Variants in B3GLCT observed in about 807,000 individuals in gnomAD.
B3GLCT encodes the protein beta 3-glucosyltransferase.
Under a neutral mutation model 63.4 loss-of-function variants are expected in B3GLCT, and 65 were observed. The ratio of observed to expected loss-of-function variants is 1.03; its 90% confidence interval spans 0.84 to 1.26. B3GLCT has a LOEUF of 1.26. Among genes scored for constraint, B3GLCT ranks in the 50% most tolerant of loss-of-function variants. The pLI is 0.00. For missense variants in B3GLCT, 577 were observed against 604.8 expected (o/e 0.95, Z 0.48); for synonymous variants, 233 against 219.2 (o/e 1.06, Z -0.55).
chr13:31,275,784 G>GAC lies in B3GLCT; in HGVS notation c.781-905_781-904dup, dbSNP rs142413523. Among the ~76,000 whole-genome samples the GAC allele has an allele frequency of 3.2e-3, 484 of 151,718 alleles. 1 individual carries two copies. The highest frequency in any genetic ancestry group is 0.011 in the African/African-American group (462 of 41,386). On this transcript the variant is annotated intron_variant, in intron 9 of 14. Coordinates refer to ENST00000343307, the MANE Select transcript of B3GLCT (RefSeq NM_194318.4). ...TGCCATTTGAAGAGATAAATACATA[G>GAC]ACACACACACACACGCACACACACA...
At chr13:31,203,964 A>C in intron 1 of B3GLCT, among the ~76,000 whole-genome samples, 1 of 152,362 alleles carries the variant, frequency 6.6e-6, no homozygotes, top group East Asian at 1.9e-4. Flanking sequence ...TCATTTATTC[A>C]GAGTAATGTG....
chr13:31,325,802 G>A (rs1348814989), intron 14 of B3GLCT, among the ~76,000 whole-genome samples: 1 of 152,144 alleles, frequency 6.6e-6, no homozygotes, highest in Non-Finnish European at 1.5e-5. Flanking sequence ...AAAGAAATAT[G>A]AGGCAAAGAG....
At chr13:31,237,065 G>A (rs901307920) in intron 4 of B3GLCT, among the ~76,000 whole-genome samples, 1 of 151,362 alleles carries the variant, frequency 6.6e-6, no homozygotes, top group South Asian at 2.1e-4. Context: ...GGCGGAGGTC[G>A]CAGTGACCCG....
chr13:31,269,582 C>G (rs1018677642), intron 8 of B3GLCT, among the ~76,000 whole-genome samples: 2 of 152,106 alleles, frequency 1.3e-5, no homozygotes, highest in African/African-American at 4.8e-5. Context: ...AAAAGTACCT[C>G]TGCTCTTACT....
intron 12 of B3GLCT, among the ~76,000 whole-genome samples, chr13:31,310,329 C>T (rs1396155429): frequency 6.6e-6 from 1 of 152,220 alleles, no homozygotes; most frequent in Admixed American, 6.5e-5. Context: ...CCACCTGGCT[C>T]ACTCTCCAGT....
At position 31,284,466 on chromosome 13, in the gene B3GLCT, A is replaced by G. The variant is rs1289906070; in HGVS notation, c.851-182A>G. On this transcript the variant is annotated intron_variant, in intron 10 of 14. Coordinates refer to ENST00000343307, the MANE Select transcript of B3GLCT (RefSeq NM_194318.4). ...TCTAGAGAATGTTGAAAATGCTTCA[A>G]GAAGAGGGTTTTAGTCAACAACGTT... is the stretch of plus-strand genomic sequence containing the variant. 3.9e-5 allele frequency among the ~76,000 whole-genome samples: 6 copies of G among 152,240 alleles called. No individual in the cohort carries two copies. In the East Asian group the frequency reaches 7.7e-4, roughly 20 times the overall value.
At chr13:31,225,833 C>T (rs564121705) in intron 3 of B3GLCT, among the ~76,000 whole-genome samples, 1 of 152,288 alleles carries the variant, frequency 6.6e-6, no homozygotes, top group South Asian at 2.1e-4. Flanking sequence ...CCCCACTTGG[C>T]TCATGAGGCC....
At chr13:31,329,402 T>C in intron 14 of B3GLCT, 99 bp from the exon 15 acceptor site, 2 of 1,307,894 alleles carry the variant, frequency 1.5e-6, no homozygotes, top group Non-Finnish European at 2.2e-6. Context: ...CAATGTTAGG[T>C]AGTGAAGTAA....
At chr13:31,212,460 A>T (rs990442577) in intron 1 of B3GLCT, among the ~76,000 whole-genome samples, 2 of 151,856 alleles carry the variant, frequency 1.3e-5, no homozygotes, top group Non-Finnish European at 2.9e-5. Context: ...TTTTTAGTAG[A>T]GATGGGGTTT....
intron 8 of B3GLCT, among the ~76,000 whole-genome samples, chr13:31,269,678 G>T (rs1052532699): frequency 6.6e-6 from 1 of 151,530 alleles, no homozygotes; most frequent in Non-Finnish European, 1.5e-5. Flanking sequence ...CTGAGCCCCA[G>T]TGAAATGGTC....
At chr13:31,320,825 G>C (rs561091185) in intron 13 of B3GLCT, among the ~76,000 whole-genome samples, 1 of 152,098 alleles carries the variant, frequency 6.6e-6, no homozygotes, top group Non-Finnish European at 1.5e-5. Flanking sequence ...GACATTCGCT[G>C]GTCTCTGCAT....
chr13:31,241,349 C>T (rs1424958678), intron 4 of B3GLCT, among the ~76,000 whole-genome samples: 1 of 152,174 alleles, frequency 6.6e-6, no homozygotes, highest in Non-Finnish European at 1.5e-5. Context: ...AGCTTTAGAC[C>T]TCCCTCCTCT....
chr13:31,325,370 A>G (rs1875555993), intron 14 of B3GLCT, among the ~76,000 whole-genome samples: 1 of 152,224 alleles, frequency 6.6e-6, no homozygotes, highest in Admixed American at 6.5e-5. Context: ...ATGGTGTTTC[A>G]GTCACGCAAT....
chr13:31,300,254 GCACGAT>G (rs749604325), intron 12 of B3GLCT, among the ~76,000 whole-genome samples: 8 of 152,090 alleles, frequency 5.3e-5, no homozygotes, highest in Non-Finnish European at 1.2e-4. Flanking sequence ...TCCCCAGGTA[GCACGAT>G]CATGTATAAA....
chr13:31,298,750 C>T (rs565521666), intron 12 of B3GLCT, among the ~76,000 whole-genome samples: 1 of 152,310 alleles, frequency 6.6e-6, no homozygotes, highest in East Asian at 1.9e-4. Context: ...TACTCCCATG[C>T]AGATAGGGTA....
intron 9 of B3GLCT, among the ~76,000 whole-genome samples, chr13:31,275,214 A>G (rs1872725480): frequency 6.6e-6 from 1 of 152,250 alleles, no homozygotes; most frequent in East Asian, 1.9e-4. Context: ...TAAGAACTAT[A>G]TATCATGACT....
chr13:31,288,344 A>G (rs1245822558), intron 12 of B3GLCT, among the ~76,000 whole-genome samples: 1 of 152,172 alleles, frequency 6.6e-6, no homozygotes, highest in Admixed American at 6.6e-5. Flanking sequence ...CATTCACATC[A>G]TACCAGCTGC....
At chr13:31,317,804 G>A (rs1326385949) in intron 13 of B3GLCT, 119 bp downstream of exon 13, 1 of 1,233,144 alleles carries the variant, frequency 8.1e-7, no homozygotes, top group African/African-American at 1.5e-5. Flanking sequence ...AATGGTGGTT[G>A]TTACTATAAT....
chr13:31,236,757 T>C (rs905473296), intron 4 of B3GLCT, among the ~76,000 whole-genome samples: 2 of 152,224 alleles, frequency 1.3e-5, no homozygotes, highest in African/African-American at 4.8e-5. Flanking sequence ...TTCTGGATCA[T>C]TTTTTCTTTT....
Sources: allele counts gnomAD v4.1 joint callset (sites outside exome capture counted in the v4.1 genomes callset), GRCh38; gene constraint gnomAD v4.1.1; transcripts MANE v1.5; gene names NCBI Gene and HGNC (gene_info 2026-07-23, HGNC 2026-07-21).